Variants in RCOR1 observed in about 807,000 individuals in gnomAD.
RCOR1 encodes REST corepressor.
RCOR1 carries 12 observed loss-of-function variants against 64.0 expected under a neutral mutation model. That is an observed-to-expected ratio of 0.19 (90% CI 0.12 to 0.30). RCOR1 has a LOEUF of 0.30. Ranked by LOEUF, RCOR1 falls within the 10% of genes least tolerant of loss-of-function variation. The pLI is 1.00. For missense variants in RCOR1, 502 were observed against 621.2 expected (o/e 0.81, Z 2.04); for synonymous variants, 279 against 227.2 (o/e 1.23, Z -2.05).
At chr14:102,646,025 A>G (rs1368482260) in intron 2 of RCOR1, among the ~76,000 whole-genome samples, 4 of 152,338 alleles carry the variant, frequency 2.6e-5, no homozygotes, top group South Asian at 2.1e-4. Context: ...TGGAAGTTAC[A>G]TCACATCATT....
At chr14:102,653,811 C>T (rs1894644063) in intron 2 of RCOR1, among the ~76,000 whole-genome samples, 1 of 151,904 alleles carries the variant, frequency 6.6e-6, no homozygotes, top group African/African-American at 2.4e-5. Flanking sequence ...TGAGGCCTCC[C>T]TAGAAGCTGA....
intron 2 of RCOR1, among the ~76,000 whole-genome samples, chr14:102,614,952 C>A (rs4509953): frequency 4.0e-5 from 6 of 150,866 alleles, no homozygotes; most frequent in East Asian, 2.0e-4. Context: ...CTGCCTCAGC[C>A]TCCCGAGTAG....
At chr14:102,618,991 G>A (rs1025878698) in intron 2 of RCOR1, among the ~76,000 whole-genome samples, 1 of 152,190 alleles carries the variant, frequency 6.6e-6, no homozygotes, top group African/African-American at 2.4e-5. Flanking sequence ...GGAGTAGTTT[G>A]ATATGATCAG....
At chr14:102,629,042 C>T (rs944548805) in intron 2 of RCOR1, among the ~76,000 whole-genome samples, 2 of 152,184 alleles carry the variant, frequency 1.3e-5, no homozygotes, top group East Asian at 3.9e-4. Flanking sequence ...TACAGGCGTG[C>T]GCCACCACAT....
At chr14:102,669,807 T>A (rs150150120) in intron 2 of RCOR1, among the ~76,000 whole-genome samples, 1 of 152,338 alleles carries the variant, frequency 6.6e-6, no homozygotes, top group East Asian at 1.9e-4. Flanking sequence ...ATTTCTATCT[T>A]TTTGATTACC....
chr14:102,677,244 G>T (rs1487118785), intron 2 of RCOR1, among the ~76,000 whole-genome samples: 1 of 126,316 alleles, frequency 7.9e-6, no homozygotes, highest in African/African-American at 3.3e-5. Context: ...CGGGGTGGCT[G>T]GCCGGGCAGA....
intron 2 of RCOR1, among the ~76,000 whole-genome samples, chr14:102,625,744 C>T (rs1893967322): frequency 6.6e-6 from 1 of 152,148 alleles, no homozygotes; most frequent in African/African-American, 2.4e-5. Flanking sequence ...TGGGAGGGGT[C>T]TGAATGACTT....
In RCOR1 at chr14:102,597,628, C is replaced by CTTTTTT. The variant is rs57656879; in HGVS notation, c.361+4324_361+4329dup. Among the ~76,000 whole-genome samples, 3 of 44,950 alleles carry CTTTTTT rather than the reference C, an allele frequency of 6.7e-5. 1 individual carries two copies. Among genetic ancestry groups the CTTTTTT allele is most frequent in the African/African-American group, 1.8e-4 (2 of 10,824 alleles). 29.5% of individuals were successfully genotyped at this position (44,950 alleles called of 152,430 possible). A position where few individuals can be genotyped will look rare whatever the true frequency, so the allele number is the denominator to read the frequency against. ...TCAGGCGTGAGCCACTGCGCCCGAC[C>CTTTTTT]TTTTTTTTTTTTTTTTTTTTTTTTT... On this transcript the variant is annotated intron_variant, in intron 2 of 11. Coordinates refer to ENST00000262241, the MANE Select transcript of RCOR1 (RefSeq NM_015156.4).
At chr14:102,722,766 G>T (rs1166940437) in intron 11 of RCOR1, among the ~76,000 whole-genome samples, 1 of 152,228 alleles carries the variant, frequency 6.6e-6, no homozygotes, top group Non-Finnish European at 1.5e-5. Flanking sequence ...AAGCTGTCCT[G>T]TCTGTGAGGG....
chr14:102,674,547 A>G (rs1465062076), intron 2 of RCOR1, among the ~76,000 whole-genome samples: 1 of 152,204 alleles, frequency 6.6e-6, no homozygotes, highest in African/African-American at 2.4e-5. Context: ...CATTGCATAT[A>G]TATGTAGTCT....
At chr14:102,664,326 G>T (rs1366663673) in intron 2 of RCOR1, among the ~76,000 whole-genome samples, 2 of 152,040 alleles carry the variant, frequency 1.3e-5, no homozygotes, top group African/African-American at 4.8e-5. Context: ...TGTTGTCCAG[G>T]CTGTTCTTGA....
intron 3 of RCOR1, among the ~76,000 whole-genome samples, chr14:102,688,504 A>T (rs1895466965): frequency 6.6e-6 from 1 of 152,164 alleles, no homozygotes; most frequent in African/African-American, 2.4e-5. Flanking sequence ...GAAGAGGTTT[A>T]TTGGTGGTAG....
At chr14:102,686,554 C>T (rs1373795192) in intron 3 of RCOR1, among the ~76,000 whole-genome samples, 5 of 152,194 alleles carry the variant, frequency 3.3e-5, no homozygotes, top group African/African-American at 1.2e-4. Context: ...TAGTTATCAT[C>T]GTTTCACTGG....
intron 2 of RCOR1, among the ~76,000 whole-genome samples, chr14:102,636,234 G>T (rs187596590): frequency 1.3e-5 from 2 of 151,860 alleles, no homozygotes; most frequent in South Asian, 4.1e-4. Context: ...AACCACACCC[G>T]GCAGTGAGAA....
chr14:102,603,448 C>T lies in RCOR1; in HGVS notation c.361+10123C>T, dbSNP rs114434022. Among the ~76,000 whole-genome samples, 1,426 of 152,136 alleles carry T rather than the reference C, an allele frequency of 9.4e-3. 24 individuals carry two copies. The highest frequency in any genetic ancestry group is 0.033 in the African/African-American group (1,349 of 41,506). On this transcript the variant is annotated intron_variant, in intron 2 of 11. Transcript: ENST00000262241. ...CAAGTAATCTTCCCACCTTGGCCTC[C>T]GGAGTAGCTGGGTTTATAGGCTCTT...
At chr14:102,670,786 A>AT (rs1895018553) in intron 2 of RCOR1, among the ~76,000 whole-genome samples, 2 of 150,574 alleles carry the variant, frequency 1.3e-5, no homozygotes. Flanking sequence ...TTATTGATTG[A>AT]TTTTGAGATG....
intron 2 of RCOR1, among the ~76,000 whole-genome samples, chr14:102,673,904 C>T (rs118022289): frequency 0.062 from 9,444 of 152,300 alleles, 430 homozygotes; most frequent in Admixed American, 0.13. Context: ...GGTGAGCCAC[C>T]GCGCCCAGCC....
intron 3 of RCOR1, among the ~76,000 whole-genome samples, chr14:102,696,831 T>TTA (rs398039833): frequency 3.5e-5 from 5 of 143,230 alleles, no homozygotes; most frequent in African/African-American, 1.3e-4. Flanking sequence ...TTTTTTTTTT[T>TTA]ATAAGGGTAG....
At chr14:102,724,055 C>T (rs1219186224) in intron 11 of RCOR1, among the ~76,000 whole-genome samples, 2 of 151,928 alleles carry the variant, frequency 1.3e-5, no homozygotes, top group African/African-American at 4.8e-5. Context: ...GTTATTAGCC[C>T]AGAAGGTTCT....
Sources: gnomAD v4.1 joint callset for allele counts (sites outside exome capture counted in the v4.1 genomes callset) on GRCh38, gnomAD v4.1.1 for gene constraint, MANE v1.5 for transcripts, NCBI Gene and HGNC (gene_info 2026-07-23, HGNC 2026-07-21) for gene names.